Variants in THBS2 observed in about 807,000 individuals in gnomAD.
The protein encoded by THBS2 is thrombospondin 2.
THBS2 carries 47 observed loss-of-function variants against 135.2 expected under a neutral mutation model. The ratio of observed to expected loss-of-function variants is 0.35; its 90% CI spans 0.28 to 0.44. THBS2 has a LOEUF of 0.44. Among genes scored for constraint, THBS2 ranks in the 20% least tolerant of loss-of-function variants. The pLI, the probability that THBS2 is intolerant of heterozygous loss-of-function variation, is 1.00. For missense variants in THBS2, 1,288 were observed against 1,603.1 expected, an observed-to-expected ratio of 0.80 and a Z score of 3.36; for synonymous variants, 639 against 633.8, an observed-to-expected ratio of 1.01 and a Z score of -0.12.
rs778532635 is a variant in THBS2 at position 169,217,829 on chromosome 6, T to G, written c.3512A>C (p.Asp1171Ala). 10 of 1,555,308 alleles carry G rather than the reference T, an allele frequency of 6.4e-6. No homozygotes were observed. In the African/African-American group the frequency reaches 7.3e-5, roughly 11 times the overall value. The stretch of plus-strand genomic sequence containing the variant: ...AAATGCAGCAAATCTTGTTTAAATA[T>G]CTACAAAAAGAAAAAAAAAAGCAAT... ...YFSDLKYECR[D>A]I The change falls in exon 22 of 22, where the codon GAT becomes GCT. Residue 1171 changes from aspartate (D) to alanine (A), a missense_variant and splice_region_variant. Physicochemically the swap from Asp to Ala is moderately radical, Grantham distance 126. Transcript: ENST00000617924.
In THBS2 at chr6:169,228,055, C is replaced by T. The variant is rs370814319; in HGVS notation, c.2419+67G>A. The T allele has an allele frequency of 1.7e-5, 26 of 1,524,432 alleles. No homozygotes were observed. The African/African-American group carries it at 2.1e-4, about 12-fold the overall frequency. The allele number at this position is 1,524,432 out of a possible 1,614,324, so 94.4% of individuals were successfully genotyped here. A position where few individuals can be genotyped will look rare whatever the true frequency, so the allele number is the denominator to read the frequency against. ...AAGATGGTGCTACTGCCCTGGGCAA[C>T]AATAGTGAAACTCCATCTCAAAAAA... On this transcript the variant is annotated intron_variant, in intron 15 of 21. Coordinates refer to ENST00000617924, the MANE Select transcript of THBS2 (RefSeq NM_003247.5).
chr6:169,222,828 G>A (rs1475451568), intron 18 of THBS2, among the ~76,000 whole-genome samples: 1 of 131,312 alleles, frequency 7.6e-6, no homozygotes, highest in Non-Finnish European at 1.6e-5. Flanking sequence ...AAAAAAAAAA[G>A]AAACAGGTTT....
Position 169,248,986 on chromosome 6 carries a change from C to G in THBS2, c.53-13G>C, listed in dbSNP as rs374758909. The G allele has an allele frequency of 1.3e-6, 2 of 1,586,812 alleles. No individual in the cohort carries two copies. Among genetic ancestry groups the G allele is most frequent in the Admixed American group, 3.4e-5 (2 of 58,830 alleles). ...TCCTGGTGACCAGCTGCAAAGGGAA[C>G]CGCAGTGGAGAAGGGTGACGTAGGG... On this transcript the variant is annotated splice_polypyrimidine_tract_variant and intron_variant, in intron 2 of 21. Transcript: ENST00000617924.
rs1343820630 is a variant in THBS2 at position 169,234,823 on chromosome 6, C to T, written c.1562G>A (p.Cys521Tyr). The part of the protein sequence containing the change: ...AGGIRERTRV[C>Y]NSPEPQYGGK... ...TCCGTACTGAGGCTCAGGGCTGTTG[C>T]AGACCCGGGTGCGCTCCCGGATCCC... is the stretch of plus-strand genomic sequence containing the variant. The change falls in exon 10 of 22, where the codon TGC (cysteine) becomes TAC (tyrosine). Residue 521 changes from cysteine (C) to tyrosine (Y), a missense_variant. Transcript: ENST00000617924. The T allele has an allele frequency of 6.2e-7, 1 of 1,613,242 alleles. No individual in the cohort carries two copies. The highest frequency in any genetic ancestry group is 8.5e-7 in the Non-Finnish European group (1 of 1,179,772).
At chr6:169,245,399 T>C (rs1162288060) in intron 4 of THBS2, among the ~76,000 whole-genome samples, 2 of 152,210 alleles carry the variant, frequency 1.3e-5, no homozygotes, top group Non-Finnish European at 2.9e-5. Context: ...GGAAATATGA[T>C]TCACAATTGT....
intron 13 of THBS2, among the ~76,000 whole-genome samples, chr6:169,230,610 T>A (rs894448741): frequency 1.3e-5 from 2 of 152,232 alleles, no homozygotes. Flanking sequence ...TCCTTTTGTG[T>A]ATGTGTATAT....
At chr6:169,228,996 A>C (rs189013774) in intron 14 of THBS2, among the ~76,000 whole-genome samples, 225 of 152,202 alleles carry the variant, frequency 1.5e-3, no homozygotes, top group African/African-American at 5.4e-3. Context: ...TCTTTTGTTG[A>C]AAATTTGTAG....
intron 14 of THBS2, 47 bp downstream of exon 14, chr6:169,229,525 G>C: frequency 6.5e-7 from 1 of 1,534,542 alleles, no homozygotes; most frequent in Non-Finnish European, 9.0e-7. Context: ...TGTGGACCTC[G>C]CTGCTCCTGG....
rs902586680 is a variant in THBS2 at position 169,234,744 on chromosome 6, G to A, written c.1641C>T (p.Ser547=). 1.3e-6 allele frequency: 2 copies of A among 1,581,830 alleles called. No individual in the cohort carries two copies. The highest frequency in any genetic ancestry group is 1.3e-5 in the African/African-American group (1 of 74,146). ...CTACCCCTCACTCACCCACGGGGCAGCTCCTCTTGTTGCACATCTGACGCT... is the reference window on the plus strand; with the variant it reads ...CTACCCCTCACTCACCCACGGGGCAACTCCTCTTGTTGCACATCTGACGCT... The part of the protein sequence containing the change: ...VQERQMCNKR[S]CPVDGCLSNP... The change falls in exon 10 of 22, where the codon AGC becomes AGT. Residue 547 remains serine (S), a synonymous_variant. Transcript: ENST00000617924.
intron 21 of THBS2, 45 bp downstream of exon 21, chr6:169,220,153 G>A (rs773216077): frequency 1.3e-6 from 2 of 1,595,632 alleles, no homozygotes; most frequent in African/African-American, 1.3e-5. Context: ...TTCCCTTTCT[G>A]GGTGCCACAT....
At position 169,217,463 on chromosome 6, in the gene THBS2, A is replaced by C. The variant is rs1217400231; in HGVS notation, c.*359T>G. 2.3e-5 allele frequency: 6 copies of C among 264,734 alleles called. No individual in the cohort carries two copies. Among genetic ancestry groups the C allele is most frequent in the Non-Finnish European group, 3.5e-5 (5 of 141,364 alleles). 16.4% of individuals were successfully genotyped at this position (264,734 alleles called of 1,614,324 possible). A position where few individuals can be genotyped will look rare whatever the true frequency, so the allele number is the denominator to read the frequency against. On this transcript the variant is annotated 3_prime_UTR_variant, in exon 22 of 22. Transcript: ENST00000617924. ...TGGCTTATGCACAGTATTCCCTTCA[A>C]CTCCATATACACATAAATACAATAA...
In THBS2 at chr6:169,216,997, G is replaced by A. The variant is rs1779193700; in HGVS notation, c.*825C>T. On this transcript the variant is annotated 3_prime_UTR_variant, in exon 22 of 22. Transcript: ENST00000617924. ...AAGCTGGGGAAGGAAGCTCAGGCAGGAGCCTCCCCGACGCCACAGCGGCAC... is the reference window on the plus strand; with the variant it reads ...AAGCTGGGGAAGGAAGCTCAGGCAGAAGCCTCCCCGACGCCACAGCGGCAC... 6.6e-6 allele frequency: 1 copy of A among 152,242 alleles called. No individual in the cohort carries two copies. The highest frequency in any genetic ancestry group is 2.1e-4 in the South Asian group (1 of 4,838). 9.4% of individuals were successfully genotyped at this position (152,242 alleles called of 1,614,324 possible).
At chr6:169,248,342 C>T in intron 3 of THBS2, 75 bp downstream of exon 3, 1 of 1,486,254 alleles carries the variant, frequency 6.7e-7, no homozygotes, top group South Asian at 1.3e-5. Context: ...CATCGCATCA[C>T]CAGACGCATT....
chr6:169,230,196 G>A (rs1457048370), intron 13 of THBS2, among the ~76,000 whole-genome samples: 2 of 144,846 alleles, frequency 1.4e-5, no homozygotes, highest in African/African-American at 5.4e-5. Flanking sequence ...TTTTCACGGT[G>A]AGTGGGTAAT....
intron 4 of THBS2, among the ~76,000 whole-genome samples, chr6:169,242,846 ACTGCTCC>A (rs1780388758): frequency 5.7e-4 from 5 of 8,716 alleles, no homozygotes; most frequent in Non-Finnish European, 3.8e-4. Flanking sequence ...CCACCTTCCC[ACTGCTCC>A]CACCTTCCCA....
intron 1 of THBS2, among the ~76,000 whole-genome samples, chr6:169,251,535 C>T (rs957135920): frequency 6.6e-6 from 1 of 152,178 alleles, no homozygotes; most frequent in Non-Finnish European, 1.5e-5. Flanking sequence ...CTGTGGATCT[C>T]AGCTTCTCCT....
chr6:169,249,057 C>A lies in THBS2; in HGVS notation c.53-84G>T, dbSNP rs1271608438. The A allele has an allele frequency of 4.5e-6, 6 of 1,343,000 alleles. No homozygotes were observed. The African/African-American group carries it at 8.8e-5, about 20-fold the overall frequency. 83.2% of individuals were successfully genotyped at this position (1,343,000 alleles called of 1,614,324 possible). A position where few individuals can be genotyped will look rare whatever the true frequency, so the allele number is the denominator to read the frequency against. On this transcript the variant is annotated intron_variant, in intron 2 of 21. Transcript: ENST00000617924. ...GACCCAGGGTGACAAACCAGAACCT[C>A]GCGTGTAAGGAAATTAACGAGGCCT...
intron 2 of THBS2, 65 bp downstream of exon 2, chr6:169,250,668 C>T: frequency 6.8e-7 from 1 of 1,461,230 alleles, no homozygotes; most frequent in Non-Finnish European, 9.4e-7. Flanking sequence ...TTTGTCATCT[C>T]TCCCCTTGCA....
intron 17 of THBS2, 115 bp downstream of exon 17, chr6:169,225,030 A>G: frequency 9.7e-7 from 1 of 1,031,202 alleles, no homozygotes; most frequent in Admixed American, 1.9e-5. Context: ...GCCCAAAGTC[A>G]TTGCCCTTTT....
Sources: gnomAD v4.1 joint callset for allele counts (sites outside exome capture counted in the v4.1 genomes callset) on GRCh38, gnomAD v4.1.1 for gene constraint, MANE v1.5 for transcripts, NCBI Gene and HGNC (gene_info 2026-07-23, HGNC 2026-07-21) for gene names.